ZEB1: variants seen among roughly 807,000 people sequenced by gnomAD.
ZEB1 encodes zinc finger E-box-binding homeobox 1.
ZEB1 carries 21 observed loss-of-function variants against 84.9 expected under a neutral mutation model. The ratio of observed to expected loss-of-function variants is 0.25; its 90% confidence interval spans 0.18 to 0.36. The LOEUF (loss-of-function observed/expected upper bound fraction) is 0.36. Ranked by LOEUF, ZEB1 falls within the 10% of genes least tolerant of loss-of-function variation. ZEB1 has a pLI of 1.00. For missense variants in ZEB1, 1,104 were observed against 1,330.2 expected (o/e 0.83, Z 2.65); for synonymous variants, 420 against 471.1 (o/e 0.89, Z 1.41).
chr10:31,509,209 A>G lies in ZEB1; in HGVS notation c.485-1464A>G, dbSNP rs561636962. Among the ~76,000 whole-genome samples, 20 of 152,260 alleles carry G rather than the reference A, an allele frequency of 1.3e-4. No homozygotes were observed. The South Asian group carries it at 4.1e-3, about 32-fold the overall frequency. Reference sequence around the variant, plus strand: ...AACTCAGGGGGTGTACAGATTCAGCATAAGCTCCCTCTCCGGAGCAGCATT... The same window carrying G: ...AACTCAGGGGGTGTACAGATTCAGCGTAAGCTCCCTCTCCGGAGCAGCATT... On this transcript the variant is annotated intron_variant, in intron 4 of 8. Coordinates refer to ENST00000424869, the MANE Select transcript of ZEB1 (RefSeq NM_001174096.2).
chr10:31,474,773 G>A (rs1234818968), intron 2 of ZEB1, among the ~76,000 whole-genome samples: 1 of 152,102 alleles, frequency 6.6e-6, no homozygotes, highest in African/African-American at 2.4e-5. Context: ...TATGTTTATT[G>A]AGGCACTATT....
intron 1 of ZEB1, chr10:31,321,333 T>C: frequency 6.9e-7 from 1 of 1,442,178 alleles, no homozygotes; most frequent in Non-Finnish European, 9.1e-7. Context: ...ATTTTAATTA[T>C]TCAAATAAAC....
intron 1 of ZEB1, among the ~76,000 whole-genome samples, chr10:31,395,451 A>G (rs1352292765): frequency 6.6e-6 from 1 of 152,216 alleles, no homozygotes; most frequent in African/African-American, 2.4e-5. Context: ...TTTTTCCAAC[A>G]TTATGGTCTT....
chr10:31,353,366 T>G lies in ZEB1; in HGVS notation c.58+34074T>G, dbSNP rs1196819926. ...AATAAAGTTTATAACATTAACATAA[T>G]TTATAGATCTTCTAATACAAGCATC... On this transcript the variant is annotated intron_variant, in intron 1 of 8. Coordinates refer to ENST00000424869, the MANE Select transcript of ZEB1 (RefSeq NM_001174096.2). 2.0e-5 allele frequency among the ~76,000 whole-genome samples: 3 copies of G among 152,254 alleles called. No individual in the cohort carries two copies. The East Asian group carries it at 5.8e-4, about 29-fold the overall frequency.
At chr10:31,387,285 G>A in intron 1 of ZEB1, 1 of 985,730 alleles carries the variant, frequency 1.0e-6, no homozygotes, top group South Asian at 4.7e-5. Context: ...TGTGTAGTGA[G>A]TGCACACTCG....
chr10:31,363,067 G>A (rs755164903), intron 1 of ZEB1: 34 of 1,533,914 alleles, frequency 2.2e-5, no homozygotes, highest in South Asian at 6.0e-5. Context: ...CGGTGGCCCC[G>A]ACAGTTTTCT....
intron 3 of ZEB1, among the ~76,000 whole-genome samples, chr10:31,498,909 C>T (rs1417984183): frequency 6.6e-6 from 1 of 151,872 alleles, no homozygotes; most frequent in African/African-American, 2.4e-5. Context: ...CTTAATATTA[C>T]TTCTAGAAGG....
At chr10:31,518,798 G>A (rs1171415594) in intron 6 of ZEB1, among the ~76,000 whole-genome samples, 1 of 152,028 alleles carries the variant, frequency 6.6e-6, no homozygotes, top group Non-Finnish European at 1.5e-5. Context: ...TGTCAAGAAT[G>A]ATATGAAATG....
intron 2 of ZEB1, among the ~76,000 whole-genome samples, chr10:31,464,309 T>TG (rs2062134481): frequency 6.6e-6 from 1 of 151,722 alleles, no homozygotes; most frequent in South Asian, 2.1e-4. Flanking sequence ...GCCGAGATGA[T>TG]GCCACTGCAC....
rs1199663006 is a variant in ZEB1, at chr10:31,521,508, G to A, written c.2176G>A (p.Gly726Ser). The A allele has an allele frequency of 2.5e-6, 4 of 1,613,914 alleles. No homozygotes were observed. Among genetic ancestry groups the A allele is most frequent in the East Asian group, 4.5e-5 (2 of 44,878 alleles). ...ACAGGGTTACTTGTACACAGCTGAGGGTGCACAAGAAGAGCCACAAGTAGA... is the reference window on the plus strand; with the variant it reads ...ACAGGGTTACTTGTACACAGCTGAGAGTGCACAAGAAGAGCCACAAGTAGA... ...NTQGYLYTAE[G>S]AQEEPQVEPL... The change falls in exon 7 of 9, where the codon GGT becomes AGT. Residue 726 changes from glycine (G) to serine (S), a missense_variant. Physicochemically the swap from Gly to Ser is moderately conservative, Grantham distance 56. Transcript: ENST00000424869.
chr10:31,507,167 C>CA (rs2069124544), intron 4 of ZEB1, among the ~76,000 whole-genome samples: 1 of 152,078 alleles, frequency 6.6e-6, no homozygotes, highest in African/African-American at 2.4e-5. Flanking sequence ...ATTTCTTTCT[C>CA]TCCTTGCCTA....
chr10:31,319,170 G>GT, upstream of ZEB1: 3 of 1,138,394 alleles, frequency 2.6e-6, no homozygotes, highest in Non-Finnish European at 3.7e-6. Context: ...AGGCGGAGGG[G>GT]TGGGGGGGAA....
chr10:31,526,580 C>T, intron 8 of ZEB1, 92 bp from the exon 9 acceptor site: 1 of 1,448,180 alleles, frequency 6.9e-7, no homozygotes, highest in South Asian at 1.2e-5. Context: ...AATAACCCTC[C>T]CCTTTCTACA....
chr10:31,432,474 A>G (rs1410375518), intron 1 of ZEB1, among the ~76,000 whole-genome samples: 1 of 152,156 alleles, frequency 6.6e-6, no homozygotes, highest in Non-Finnish European at 1.5e-5. Context: ...CTGTGGTCCC[A>G]GCTACTCAGG....
In ZEB1 at chr10:31,510,819, G is replaced by A. The variant is rs781621732; in HGVS notation, c.631G>A (p.Ala211Thr). 1.9e-6 allele frequency: 3 copies of A among 1,613,900 alleles called. No individual in the cohort carries two copies. Among genetic ancestry groups the A allele is most frequent in the East Asian group, 2.2e-5 (1 of 44,820 alleles). ...TTGCTCCCTGTGCAGTTACACCTTTGCATACAGAACCCAACTTGAACGTCA... is the reference window on the plus strand; with the variant it reads ...TTGCTCCCTGTGCAGTTACACCTTTACATACAGAACCCAACTTGAACGTCA... ...FSCSLCSYTF[A>T]YRTQLERHMT... The change falls in exon 5 of 9, where the codon GCA (alanine) becomes ACA (threonine). Residue 211 changes from alanine (A) to threonine (T), a missense_variant. Transcript: ENST00000424869.
chr10:31,392,519 T>TTA (rs1185544031), intron 1 of ZEB1, among the ~76,000 whole-genome samples: 1 of 152,110 alleles, frequency 6.6e-6, no homozygotes, highest in Non-Finnish European at 1.5e-5. Context: ...GCTTTTAATG[T>TTA]TATAGTAGGA....
intron 1 of ZEB1, among the ~76,000 whole-genome samples, chr10:31,424,417 A>C (rs1190664437): frequency 1.3e-5 from 2 of 152,034 alleles, no homozygotes; most frequent in African/African-American, 2.4e-5. Context: ...ATGGTGCTGC[A>C]ATTTAGGTAT....
At chr10:31,478,037 G>A (rs1042438438) in intron 2 of ZEB1, among the ~76,000 whole-genome samples, 6 of 151,742 alleles carry the variant, frequency 4.0e-5, no homozygotes, top group African/African-American at 1.5e-4. Context: ...CAAAAAGCCT[G>A]TTCACAGCAA....
At position 31,486,334 on chromosome 10, in the gene ZEB1, C is replaced by T. The variant is rs1000561229; in HGVS notation, c.260-9442C>T. 3.3e-5 allele frequency among the ~76,000 whole-genome samples: 5 copies of T among 151,684 alleles called. No homozygotes were observed. In the East Asian group the frequency reaches 5.8e-4, roughly 18 times the overall value. On this transcript the variant is annotated intron_variant, in intron 2 of 8. Coordinates refer to ENST00000424869, the MANE Select transcript of ZEB1 (RefSeq NM_001174096.2). ...CTTTTCCAGAGTGGTTGTACCATCC[C>T]ACCAGTAATAAATAAGAGATGATCC...
Sources: gnomAD v4.1 joint callset for allele counts (sites outside exome capture counted in the v4.1 genomes callset) on GRCh38, gnomAD v4.1.1 for gene constraint, MANE v1.5 for transcripts, NCBI Gene and HGNC (gene_info 2026-07-23, HGNC 2026-07-21) for gene names.